The following PKD1 variants were observed in gnomAD, a reference collection of about 807,000 sequenced individuals.
PKD1 encodes polycystin-1.
Under a neutral mutation model 361.7 loss-of-function variants are expected in PKD1, and 81 were observed. The observed-to-expected ratio is 0.22, with a 90% CI of 0.19 to 0.27. The LOEUF (loss-of-function observed/expected upper bound fraction) is 0.27. Ranked by LOEUF, PKD1 falls within the 10% of genes least tolerant of loss-of-function variation. The pLI, the probability that PKD1 is intolerant of heterozygous loss-of-function variation, is 1.00. For missense variants in PKD1, 6,399 were observed against 6,118.3 expected, an observed-to-expected ratio of 1.05 and a Z score of -1.53; for synonymous variants, 3,615 against 2,818.3, an observed-to-expected ratio of 1.28 and a Z score of -8.95.
intron 6 of PKD1, 28 bp downstream of exon 6, chr16:2,117,461 T>C (rs2092657756): frequency 2.2e-6 from 3 of 1,391,844 alleles, no homozygotes; most frequent in Admixed American, 2.0e-5. Flanking sequence ...TCCCAACCTA[T>C]GGCCCCTCGG....
chr16:2,117,232 G>T (rs1185010064), intron 6 of PKD1, among the ~76,000 whole-genome samples, 179 bp from the exon 7 acceptor site: 1 of 152,212 alleles, frequency 6.6e-6, no homozygotes, highest in African/African-American at 2.4e-5. Context: ...CACGGGGCCT[G>T]TGGGTACCGG....
chr16:2,123,903 G>A (rs2092759963), intron 1 of PKD1, among the ~76,000 whole-genome samples: 1 of 152,210 alleles, frequency 6.6e-6, no homozygotes, highest in Non-Finnish European at 1.5e-5. Context: ...GTCGGGAGGA[G>A]TACACCCCCA....
chr16:2,127,595 G>A (rs1261912755), intron 1 of PKD1, among the ~76,000 whole-genome samples: 1 of 152,060 alleles, frequency 6.6e-6, no homozygotes, highest in Non-Finnish European at 1.5e-5. Context: ...GAGGACAGGG[G>A]AATGGGCCCC....
At position 2,118,237 on chromosome 16, in the gene PKD1, G is replaced by A. The variant is rs771788496; in HGVS notation, c.755C>T (p.Pro252Leu). Residue 252 changes from proline (P) to leucine (L), a missense_variant, in exon 5 of 46, where the codon CCG (proline) becomes CTG (leucine). Transcript: ENST00000262304. The surrounding 1 kb of genome is among the most constrained non-coding windows in gnomAD (Gnocchi z 6.0). Reference protein sequence around the residue: ...FACLSLCSGPPPPPAPTCRGP... With the variant: ...FACLSLCSGPLPPPAPTCRGP... ...CCTACAGGTGGGGGCAGGAGGTGGC[G>A]GGGGGCCGGAGCAGAGGGACAGGCA... 2.7e-5 allele frequency: 41 copies of A among 1,529,268 alleles called. No homozygotes were observed. Among genetic ancestry groups the A allele is most frequent in the South Asian group, 3.6e-5 (3 of 84,300 alleles). 94.7% of individuals were successfully genotyped at this position (1,529,268 alleles called of 1,614,324 possible). A position where few individuals can be genotyped will look rare whatever the true frequency, so the allele number is the denominator to read the frequency against.
intron 30 of PKD1, 40 bp from the exon 31 acceptor site, chr16:2,098,024 A>T (rs752024153): frequency 1.8e-6 from 2 of 1,133,998 alleles, no homozygotes; most frequent in South Asian, 2.5e-5. Context: ...GGCAGCTCAG[A>T]CCTGCTCAGG....
rs528984834 is a variant in PKD1 at position 2,111,194 on chromosome 16, G to T, written c.3973C>A (p.Leu1325Ile). ...CCATCCCCGAAGGTCCAGTCGAAGA[G>T]GTAGTGGGCCGGGTTCCCGGTGACG... ...AYVTGNPAHY[L>I]FDWTFGDGSS... is the part of the protein sequence containing the mutation. The change falls in exon 15 of 46, where the codon CTC (leucine) becomes ATC (isoleucine). Residue 1325 changes from leucine to isoleucine, a missense_variant. Coordinates refer to ENST00000262304, the MANE Select transcript of PKD1 (RefSeq NM_001009944.3). 6.2e-7 allele frequency: 1 copy of T among 1,611,554 alleles called. No homozygotes were observed.
In PKD1 at chr16:2,090,479, G is replaced by A. The variant is rs1363663761; in HGVS notation, c.12250C>T (p.Pro4084Ser). 9 of 1,612,054 alleles carry A rather than the reference G, an allele frequency of 5.6e-6. No homozygotes were observed. The highest frequency in any genetic ancestry group is 6.8e-6 in the Non-Finnish European group (8 of 1,179,746). Residue 4084 changes from proline (P) to serine (S), a missense_variant, in exon 45 of 46, where the codon CCC (proline) becomes TCC (serine). Transcript: ENST00000262304. ...LCPAESWHLS[P>S]LLCVGLWALR... ...GCCCAGAGCCCCACACACAGCAGGG[G>A]TGACAGGTGCCAGGACTCGGCAGGA... is the stretch of plus-strand genomic sequence containing the variant.
At position 2,106,901 on chromosome 16, in the gene PKD1, C is replaced by T. The variant is rs2092357595; in HGVS notation, c.7113G>A (p.Val2371=). ...CGTACACGGCCTGTGCCTTGCAGGA[C>T]ACACACTCCAAGGACACAATGGGCA... ...GRVPIVSLEC[V]SCKAQAVYEV... is the part of the protein sequence containing the mutation. Residue 2371 remains valine (V), a synonymous_variant, in exon 17 of 46, where the codon GTG becomes GTA. Coordinates refer to ENST00000262304, the MANE Select transcript of PKD1 (RefSeq NM_001009944.3). The surrounding 1 kb of genome is among the most constrained non-coding windows in gnomAD (Gnocchi z 6.5). The T allele has an allele frequency of 2.6e-6, 4 of 1,564,842 alleles. No individual in the cohort carries two copies. Among genetic ancestry groups the T allele is most frequent in the South Asian group, 1.1e-5 (1 of 90,538 alleles).
intron 32 of PKD1, 87 bp from the exon 33 acceptor site, chr16:2,097,590 C>T (rs2091899134): frequency 6.2e-7 from 1 of 1,608,774 alleles, no homozygotes; most frequent in African/African-American, 1.3e-5. Flanking sequence ...ACACCCTGGG[C>T]TTCCGAGCAA....
chr16:2,104,206 A>C, intron 22 of PKD1, among the ~76,000 whole-genome samples: 1 of 14,590 alleles, frequency 6.9e-5, no homozygotes, highest in Admixed American at 7.5e-4. Flanking sequence ...GGGATAAGGG[A>C]GGGGAAGGGG....
In PKD1 at chr16:2,125,013, C is replaced by T. The variant is rs566043234; in HGVS notation, c.216-5635G>A. On this transcript the variant is annotated intron_variant, in intron 1 of 45. Coordinates refer to ENST00000262304, the MANE Select transcript of PKD1 (RefSeq NM_001009944.3). ...GTGAGGAAATGGGCTGCAGTGTGGG[C>T]GCTGGAGAGGACAGGGGACAGGCGG... Among the ~76,000 whole-genome samples the T allele has an allele frequency of 1.1e-4, 16 of 152,296 alleles. 1 individual carries two copies. In the South Asian group the frequency reaches 3.3e-3, roughly 32 times the overall value.
chr16:2,115,334 G>C (rs1283447524), intron 10 of PKD1, 44 bp downstream of exon 10: 1 of 1,453,198 alleles, frequency 6.9e-7, no homozygotes, highest in South Asian at 1.2e-5. Context: ...CAGGAAGGTG[G>C]CCTGAGGAGA....
In PKD1 at chr16:2,114,302, G is replaced by A. The variant is rs775125741; in HGVS notation, c.2721C>T (p.His907=). The A allele has an allele frequency of 1.4e-5, 22 of 1,610,422 alleles. No individual in the cohort carries two copies. Among genetic ancestry groups the A allele is most frequent in the African/African-American group, 6.7e-5 (5 of 74,864 alleles). ...VALPWLSEGE[H]VVDVVVENSA... is the part of the protein sequence containing the mutation. Reference sequence around the variant, plus strand: ...TGTTTTCCACCACCACGTCCACCACGTGCTCCCCCTCACTGAGCCACGGCA... The same window carrying A: ...TGTTTTCCACCACCACGTCCACCACATGCTCCCCCTCACTGAGCCACGGCA... The change falls in exon 11 of 46, where the codon CAC becomes CAT. Residue 907 remains histidine (H), a synonymous_variant. Transcript: ENST00000262304.
At position 2,104,504 on chromosome 16, in the gene PKD1, T is replaced by C. The variant is rs1297518070; in HGVS notation, c.8155A>G (p.Ile2719Val). The C allele has an allele frequency of 6.5e-7, 1 of 1,527,438 alleles. No individual in the cohort carries two copies. Among genetic ancestry groups the C allele is most frequent in the Non-Finnish European group, 8.9e-7 (1 of 1,129,214 alleles). 94.6% of individuals were successfully genotyped at this position (1,527,438 alleles called of 1,614,324 possible). Residue 2719 changes from isoleucine to valine, a missense_variant, in exon 22 of 46, where the codon ATC becomes GTC. Ile to Val is a conservative substitution (Grantham distance 29). Coordinates refer to ENST00000262304, the MANE Select transcript of PKD1 (RefSeq NM_001009944.3). ...PTAIGDSILN[I>V]TGDLIHLASS... ...GGGGCACGGGCCGCGGCACCTGTGA[T>C]GTTGAGGATGCTGTCTCCGATGGCG...
chr16:2,093,743 G>T lies in PKD1; in HGVS notation c.10822-5C>A. 2 of 1,577,214 alleles carry T rather than the reference G, an allele frequency of 1.3e-6. No individual in the cohort carries two copies. The highest frequency in any genetic ancestry group is 2.3e-5 in the East Asian group (1 of 42,916). On this transcript the variant is annotated splice_polypyrimidine_tract_variant and splice_region_variant and intron_variant, in intron 36 of 45. Coordinates refer to ENST00000262304, the MANE Select transcript of PKD1 (RefSeq NM_001009944.3). The stretch of plus-strand genomic sequence containing the variant: ...GTACAGGGCTTCCAGCAAGACCTGG[G>T]GAGGGGGTGGCTTCAGAGGGGTCCC...
rs753211183 is a variant in PKD1, at chr16:2,116,552, A to T, written c.1699T>A (p.Ser567Thr). The T allele has an allele frequency of 1.3e-6, 2 of 1,557,970 alleles. No homozygotes were observed. Among genetic ancestry groups the T allele is most frequent in the Non-Finnish European group, 1.7e-6 (2 of 1,153,104 alleles). Residue 567 changes from serine (S) to threonine (T), a missense_variant, in exon 8 of 46, where the codon TCA becomes ACA. By Grantham distance (58) the Ser-to-Thr change is moderately conservative. Coordinates refer to ENST00000262304, the MANE Select transcript of PKD1 (RefSeq NM_001009944.3). Reference sequence around the variant, plus strand: ...ACCTCCACGGGCTCGTGCGGGGCTGAGAGGCCGTCCTGCTGTGCCAGAGGC... The same window carrying T: ...ACCTCCACGGGCTCGTGCGGGGCTGTGAGGCCGTCCTGCTGTGCCAGAGGC... The part of the protein sequence containing the change: ...LTPLAQQDGL[S>T]APHEPVEVMV...
rs150630899 is a variant in PKD1 at position 2,097,907 on chromosome 16, C to T, written c.10128G>A (p.Leu3376=). Reference sequence around the variant, plus strand: ...CTGAGAACGTGAGGAAGGAGCTGTCCAGCACGGACGAGTCCAGGCAGCTGT... The same window carrying T: ...CTGAGAACGTGAGGAAGGAGCTGTCTAGCACGGACGAGTCCAGGCAGCTGT... ...DIDSCLDSSV[L]DSSFLTFSGL... The change falls in exon 31 of 46, where the codon CTG becomes CTA. Residue 3376 remains leucine, a synonymous_variant. Transcript: ENST00000262304. The T allele has an allele frequency of 2.1e-5, 33 of 1,605,064 alleles. No homozygotes were observed. The highest frequency in any genetic ancestry group is 2.7e-5 in the African/African-American group (2 of 74,704).
chr16:2,120,484 G>A (rs752366561), intron 1 of PKD1, among the ~76,000 whole-genome samples: 9 of 152,256 alleles, frequency 5.9e-5, no homozygotes, highest in Non-Finnish European at 1.2e-4. Flanking sequence ...CAGTGCTTTG[G>A]GAAGGCCAGG....
In PKD1 at chr16:2,100,322, A is replaced by G. The variant is rs11248911; in HGVS notation, c.9569-13T>C. 115,748 of 1,575,576 alleles carry G rather than the reference A, an allele frequency of 0.073. 9,382 individuals carry two copies. Among genetic ancestry groups the G allele is most frequent in the African/African-American group, 0.39 (27,669 of 71,810 alleles). The stretch of plus-strand genomic sequence containing the variant: ...GCAGGGCTGAGCCCTGCAGAGGCGC[A>G]GGAGGGAGGTCAGGCTCGCAGGGCG... On this transcript the variant is annotated splice_polypyrimidine_tract_variant and intron_variant, in intron 27 of 45. Transcript: ENST00000262304. This position sits in a 1 kb window ranked among gnomAD's most constrained non-coding sequence, Gnocchi z 4.4.
Sources: gnomAD v4.1 joint callset for allele counts (sites outside exome capture counted in the v4.1 genomes callset) on GRCh38, gnomAD v4.1.1 for gene constraint, Gnocchi (gnomAD v3.1) non-coding constraint, MANE v1.5 for transcripts, NCBI Gene and HGNC (gene_info 2026-07-23, HGNC 2026-07-21) for gene names.